PCDH9: variants seen among roughly 807,000 people sequenced by gnomAD.
The protein encoded by PCDH9 is protocadherin 9, also known as protocadherin-9.
Under a neutral mutation model 70.6 loss-of-function variants are expected in PCDH9, and 24 were observed. The observed-to-expected ratio is 0.34, with a 90% CI of 0.25 to 0.48. The LOEUF (loss-of-function observed/expected upper bound fraction) is 0.48. Among genes scored for constraint, PCDH9 ranks in the 20% least tolerant of loss-of-function variants. PCDH9 has a pLI of 0.99. For missense variants in PCDH9, 1,281 were observed against 1,503.6 expected (o/e 0.85, Z 2.45); for synonymous variants, 562 against 558.5 (o/e 1.01, Z -0.09).
chr13:67,127,316 T>G (rs2087001007), intron 2 of PCDH9, among the ~76,000 whole-genome samples: 1 of 152,196 alleles, frequency 6.6e-6, no homozygotes, highest in Non-Finnish European at 1.5e-5. Context: ...CCTGAAATTT[T>G]GTCTGTACAT....
intron 2 of PCDH9, among the ~76,000 whole-genome samples, chr13:67,012,828 T>C (rs1034319681): frequency 1.3e-5 from 2 of 151,960 alleles, no homozygotes; most frequent in African/African-American, 4.8e-5. Context: ...AATTCCGAAG[T>C]GTTACTATAT....
At chr13:66,856,196 T>C (rs1594158898) in intron 3 of PCDH9, among the ~76,000 whole-genome samples, 1 of 152,010 alleles carries the variant, frequency 6.6e-6, no homozygotes, top group African/African-American at 2.4e-5. Flanking sequence ...TTCTCACACA[T>C]TGAGGCAGGT....
chr13:67,197,441 A>G (rs1023843601), intron 2 of PCDH9, among the ~76,000 whole-genome samples: 13 of 152,120 alleles, frequency 8.5e-5, no homozygotes, highest in Middle Eastern at 3.4e-3. Context: ...GAAATACTCC[A>G]AGCTATTTTC....
chr13:66,965,597 GT>G (rs1012382609), intron 2 of PCDH9, among the ~76,000 whole-genome samples: 1 of 151,406 alleles, frequency 6.6e-6, no homozygotes, highest in Non-Finnish European at 1.5e-5. Flanking sequence ...ATATTAAATT[GT>G]TTTTTTTCCC....
At chr13:67,206,579 T>C (rs2089353655) in intron 2 of PCDH9, 1 of 152,208 alleles carries the variant, frequency 6.6e-6, no homozygotes, top group Admixed American at 6.5e-5. Flanking sequence ...GAAAACCTAC[T>C]CTAGGAAAAT....
chr13:67,075,609 C>A (rs1239313553), intron 2 of PCDH9, among the ~76,000 whole-genome samples: 1 of 151,976 alleles, frequency 6.6e-6, no homozygotes, highest in Non-Finnish European at 1.5e-5. Context: ...CTTTTCACAT[C>A]AAGTTAAAAT....
intron 3 of PCDH9, among the ~76,000 whole-genome samples, chr13:66,804,066 A>G (rs2080371581): frequency 6.6e-6 from 1 of 152,206 alleles, no homozygotes; most frequent in African/African-American, 2.4e-5. Context: ...GTTAAAATCA[A>G]TAAAATCCTG....
intron 2 of PCDH9, among the ~76,000 whole-genome samples, chr13:67,155,297 ATTTTGAAATTTGTTATAAGG>A (rs985631631): frequency 1.1e-4 from 17 of 152,272 alleles, no homozygotes; most frequent in South Asian, 6.2e-4. Context: ...CTTTTCTAAT[ATTTTGAAATTTGTTATAAGG>A]TTTTGAAATT....
At chr13:66,975,351 T>C (rs1422104380) in intron 2 of PCDH9, among the ~76,000 whole-genome samples, 1 of 152,056 alleles carries the variant, frequency 6.6e-6, no homozygotes, top group African/African-American at 2.4e-5. Flanking sequence ...TTTGTTAGGA[T>C]AAGGACTAAT....
chr13:66,341,416 T>G (rs1379827194), intron 4 of PCDH9, among the ~76,000 whole-genome samples: 1 of 152,128 alleles, frequency 6.6e-6, no homozygotes, highest in East Asian at 1.9e-4. Flanking sequence ...AAGAAGATAC[T>G]TGCTTTTAAA....
At chr13:66,930,384 C>A (rs2082787369) in intron 2 of PCDH9, among the ~76,000 whole-genome samples, 1 of 152,062 alleles carries the variant, frequency 6.6e-6, no homozygotes, top group African/African-American at 2.4e-5. Context: ...AAAACTTCAA[C>A]TAAAGATTAT....
Position 67,226,480 on chromosome 13 carries a change from G to C in PCDH9, c.1961C>G (p.Pro654Arg), listed in dbSNP as rs1280052764. Residue 654 changes from proline to arginine, a missense_variant, in exon 2 of 5, where the codon CCT becomes CGT. Coordinates refer to ENST00000377865, the MANE Select transcript of PCDH9 (RefSeq NM_203487.3). The surrounding 1 kb of genome is among the most constrained non-coding windows in gnomAD (Gnocchi z 5.0). ...DVKATDGGQP[P>R]RSSTAKVTIN... ...AGTTACTTTTGCAGTAGAGGAACGAGGTGGTTGTCCTCCATCAGTGGCTTT... is the reference window on the plus strand; with the variant it reads ...AGTTACTTTTGCAGTAGAGGAACGACGTGGTTGTCCTCCATCAGTGGCTTT... The C allele has an allele frequency of 1.2e-6, 2 of 1,613,980 alleles. No homozygotes were observed. Among genetic ancestry groups the C allele is most frequent in the Non-Finnish European group, 1.7e-6 (2 of 1,179,868 alleles).
intron 4 of PCDH9, among the ~76,000 whole-genome samples, chr13:66,338,721 A>C (rs1956077670): frequency 6.6e-6 from 1 of 151,880 alleles, no homozygotes; most frequent in Non-Finnish European, 1.5e-5. Flanking sequence ...TGAGATCCTG[A>C]CCACTGGGCT....
At chr13:66,509,222 T>C (rs995537368) in intron 4 of PCDH9, among the ~76,000 whole-genome samples, 3 of 152,154 alleles carry the variant, frequency 2.0e-5, no homozygotes, top group African/African-American at 4.8e-5. Flanking sequence ...AACTTGAAAT[T>C]GTGGAGTCTT....
At chr13:66,771,620 G>A (rs904454675) in intron 3 of PCDH9, among the ~76,000 whole-genome samples, 1 of 152,152 alleles carries the variant, frequency 6.6e-6, no homozygotes, top group Non-Finnish European at 1.5e-5. Flanking sequence ...ATAATAAATC[G>A]ACCTGCGGTG....
chr13:66,715,871 C>T (rs1353469115), intron 3 of PCDH9, among the ~76,000 whole-genome samples: 1 of 152,218 alleles, frequency 6.6e-6, no homozygotes, highest in African/African-American at 2.4e-5. Context: ...TTGCCCTCTT[C>T]ACTATTTCAA....
intron 3 of PCDH9, among the ~76,000 whole-genome samples, chr13:66,779,849 C>CTCTATA (rs1395244975): frequency 0.086 from 6,740 of 78,804 alleles, 321 homozygotes; most frequent in East Asian, 0.13. Context: ...CTCTCTCTCT[C>CTCTATA]TATATATATA....
intron 2 of PCDH9, among the ~76,000 whole-genome samples, chr13:66,988,906 C>A (rs1234664926): frequency 1.3e-5 from 2 of 151,928 alleles, no homozygotes; most frequent in East Asian, 3.9e-4. Flanking sequence ...CCAATGAAGA[C>A]AACCAGATGA....
chr13:66,859,743 G>T (rs1291471162), intron 3 of PCDH9, among the ~76,000 whole-genome samples: 2 of 152,134 alleles, frequency 1.3e-5, no homozygotes, highest in Non-Finnish European at 2.9e-5. Flanking sequence ...TACAGTATAA[G>T]AGCAATTATA....
Sources: allele counts gnomAD v4.1 joint callset (sites outside exome capture counted in the v4.1 genomes callset), GRCh38; gene constraint gnomAD v4.1.1; non-coding constraint Gnocchi (gnomAD v3.1); transcripts MANE v1.5; gene names NCBI Gene and HGNC (gene_info 2026-07-23, HGNC 2026-07-21).